Variants in NCKAP5 observed in about 807,000 individuals in gnomAD.
The protein encoded by NCKAP5 is nck-associated protein 5.
NCKAP5 carries 92 observed loss-of-function variants against 167.0 expected under a neutral mutation model. The ratio of observed to expected loss-of-function variants is 0.55; its 90% confidence interval spans 0.47 to 0.66. NCKAP5 has a LOEUF of 0.66. Among genes scored for constraint, NCKAP5 ranks in the 30% least tolerant of loss-of-function variants. The probability of loss-of-function intolerance (pLI) is 0.00; values close to 1 mark genes in which losing one functional copy is unlikely to be tolerated. For missense variants in NCKAP5, 2,378 were observed against 2,315.0 expected (o/e 1.03, Z -0.56); for synonymous variants, 891 against 877.4 (o/e 1.02, Z -0.27).
At chr2:133,536,272 C>G (rs146783945) in intron 2 of NCKAP5, among the ~76,000 whole-genome samples, 47 of 152,124 alleles carry the variant, frequency 3.1e-4, no homozygotes, top group African/African-American at 1.1e-3. Flanking sequence ...AGTTTCAGGT[C>G]TTACACTTAA....
chr2:133,309,403 G>C (rs937243371), intron 3 of NCKAP5, among the ~76,000 whole-genome samples: 1 of 152,098 alleles, frequency 6.6e-6, no homozygotes, highest in African/African-American at 2.4e-5. Flanking sequence ...TTGAAACAAT[G>C]AACCCCCCTT....
intron 3 of NCKAP5, among the ~76,000 whole-genome samples, chr2:133,398,252 T>C (rs892958334): frequency 6.6e-6 from 1 of 152,172 alleles, no homozygotes; most frequent in Non-Finnish European, 1.5e-5. Flanking sequence ...ACAAGAGATA[T>C]GTAATATTTT....
At chr2:133,365,740 A>G (rs1422628350) in intron 3 of NCKAP5, among the ~76,000 whole-genome samples, 1 of 152,214 alleles carries the variant, frequency 6.6e-6, no homozygotes, top group Non-Finnish European at 1.5e-5. Flanking sequence ...AATTACAGAG[A>G]CCATAAGGAG....
intron 19 of NCKAP5, among the ~76,000 whole-genome samples, chr2:132,711,608 G>A (rs1004920930): frequency 6.6e-6 from 1 of 152,010 alleles, no homozygotes; most frequent in East Asian, 1.9e-4. Context: ...CGTATCAAAG[G>A]AATTCTGAAT....
chr2:133,501,178 G>A (rs1019324060), intron 3 of NCKAP5, among the ~76,000 whole-genome samples: 1 of 152,154 alleles, frequency 6.6e-6, no homozygotes, highest in African/African-American at 2.4e-5. Context: ...TGACAAACCT[G>A]GGACCAGACG....
intron 4 of NCKAP5, among the ~76,000 whole-genome samples, chr2:133,221,233 A>C (rs564439826): frequency 1.3e-5 from 2 of 152,276 alleles, no homozygotes; most frequent in South Asian, 4.1e-4. Context: ...TAGCAATCCA[A>C]AGTCAGTTTC....
intron 4 of NCKAP5, among the ~76,000 whole-genome samples, chr2:133,283,441 C>A (rs1321098898): frequency 6.6e-6 from 1 of 152,094 alleles, no homozygotes; most frequent in African/African-American, 2.4e-5. Context: ...TAAAATCATT[C>A]TATAATTTTA....
intron 6 of NCKAP5, among the ~76,000 whole-genome samples, chr2:133,017,731 C>A (rs540240911): frequency 3.4e-5 from 5 of 147,780 alleles, no homozygotes; most frequent in Non-Finnish European, 5.9e-5. Context: ...TCCCCGCCCC[C>A]CCACTGTTTC....
chr2:132,833,661 C>T (rs1186966208), intron 11 of NCKAP5, among the ~76,000 whole-genome samples: 1 of 152,144 alleles, frequency 6.6e-6, no homozygotes, highest in African/African-American at 2.4e-5. Flanking sequence ...TGTCAAAGAT[C>T]TGTTGGCTGT....
At chr2:133,196,407 G>T (rs1000981070) in intron 5 of NCKAP5, among the ~76,000 whole-genome samples, 1 of 152,158 alleles carries the variant, frequency 6.6e-6, no homozygotes, top group Non-Finnish European at 1.5e-5. Context: ...TCCTAAAGCT[G>T]GGGACAAAAG....
intron 13 of NCKAP5, among the ~76,000 whole-genome samples, chr2:132,787,134 G>A (rs1424445014): frequency 6.6e-6 from 1 of 152,254 alleles, no homozygotes; most frequent in Non-Finnish European, 1.5e-5. Flanking sequence ...TGGATCAAAA[G>A]GTCAGGAGTT....
chr2:133,282,158 A>G (rs1021126811), intron 4 of NCKAP5, among the ~76,000 whole-genome samples: 1 of 152,212 alleles, frequency 6.6e-6, no homozygotes, highest in African/African-American at 2.4e-5. Flanking sequence ...GCAAAATGGG[A>G]AGACTAAACC....
At chr2:133,446,641 G>A (rs11678424) in intron 3 of NCKAP5, among the ~76,000 whole-genome samples, 26,925 of 152,138 alleles carry the variant, frequency 0.18, 2,603 homozygotes, top group African/African-American at 0.24. Flanking sequence ...CATGAGCCTC[G>A]TCCTGAGCAT....
intron 2 of NCKAP5, among the ~76,000 whole-genome samples, chr2:133,529,651 A>C (rs1469308934): frequency 1.3e-5 from 2 of 152,214 alleles, no homozygotes; most frequent in Non-Finnish European, 2.9e-5. Flanking sequence ...CCTTCCAAAA[A>C]TATTTAAGAA....
At chr2:132,815,444 T>C (rs1686190979) in intron 11 of NCKAP5, among the ~76,000 whole-genome samples, 1 of 152,204 alleles carries the variant, frequency 6.6e-6, no homozygotes, top group Non-Finnish European at 1.5e-5. Flanking sequence ...AGACAACAAT[T>C]TTTTTCTTAG....
rs113657557 is a variant in NCKAP5, at chr2:133,371,215, A to G, written c.70-68105T>C. On this transcript the variant is annotated intron_variant, in intron 3 of 19. Transcript: ENST00000409261. ...GCACCAACAAATTTTTGTGCAATAA[A>G]CCATCAGTCATGGGTTAAAAATCAG... Among the ~76,000 whole-genome samples the G allele has an allele frequency of 1.1e-4, 16 of 152,296 alleles. 1 individual carries two copies. Among genetic ancestry groups the G allele is most frequent in the African/African-American group, 3.6e-4 (15 of 41,570 alleles).
intron 3 of NCKAP5, among the ~76,000 whole-genome samples, chr2:133,473,082 C>T (rs7585350): frequency 0.14 from 21,846 of 152,070 alleles, 2,839 homozygotes; most frequent in African/African-American, 0.35. Context: ...ACCTGTAATC[C>T]AAGCACTTTG....
At chr2:132,750,993 G>A (rs1680060570) in intron 16 of NCKAP5, among the ~76,000 whole-genome samples, 1 of 152,222 alleles carries the variant, frequency 6.6e-6, no homozygotes, top group Admixed American at 6.5e-5. Flanking sequence ...CTGCTTAAAT[G>A]TGCAGGGGAA....
At chr2:133,031,494 T>C (rs2078877880) in intron 6 of NCKAP5, among the ~76,000 whole-genome samples, 1 of 152,194 alleles carries the variant, frequency 6.6e-6, no homozygotes, top group Admixed American at 6.5e-5. Flanking sequence ...CATTGCTCCA[T>C]GTCTCCGAGT....
Sources: gnomAD v4.1 joint callset for allele counts (sites outside exome capture counted in the v4.1 genomes callset) on GRCh38, gnomAD v4.1.1 for gene constraint, MANE v1.5 for transcripts, NCBI Gene and HGNC (gene_info 2026-07-23, HGNC 2026-07-21) for gene names.